KCNK9: variants seen among roughly 807,000 people sequenced by gnomAD.
KCNK9 encodes potassium channel subfamily K member 9.
KCNK9 carries 1 observed loss-of-function variant against 10.8 expected under a neutral mutation model. The observed-to-expected ratio is 0.09, with a 90% CI of 0.03 to 0.44. KCNK9 has a LOEUF of 0.44. Among genes scored for constraint, KCNK9 ranks in the 20% least tolerant of loss-of-function variants. KCNK9 has a pLI of 0.97. For missense variants in KCNK9, 303 were observed against 515.0 expected (o/e 0.59, Z 3.98); for synonymous variants, 231 against 222.7 (o/e 1.04, Z -0.33).
chr8:139,620,600 C>T (rs1814746850), intron 1 of KCNK9, among the ~76,000 whole-genome samples: 1 of 152,090 alleles, frequency 6.6e-6, no homozygotes, highest in Non-Finnish European at 1.5e-5. Context: ...GTCTGTCTGT[C>T]TCCGGTGGTG....
At position 139,702,943 on chromosome 8, in the gene KCNK9, G is replaced by C; in HGVS notation, c.50C>G (p.Thr17Ser). Residue 17 changes from threonine (T) to serine (S), a missense_variant, in exon 1 of 2, where the codon ACC (threonine) becomes AGC (serine). Around this residue, in one of 5 missense-constraint regions of KCNK9, gnomAD observed 58 missense variants for 102.4 expected, o/e 0.57. Transcript: ENST00000520439. The surrounding 1 kb of genome is among the most constrained non-coding windows in gnomAD (Gnocchi z 7.5). ...CACGGCGGCGCCCACCAGCAGGTAGGTGAAGGTGCAGACGATGAGGGACAG... is the reference window on the plus strand; with the variant it reads ...CACGGCGGCGCCCACCAGCAGGTAGCTGAAGGTGCAGACGATGAGGGACAG... ...RTLSLIVCTF[T>S]YLLVGAAVFD... The C allele has an allele frequency of 6.2e-7, 1 of 1,611,974 alleles. No individual in the cohort carries two copies. The highest frequency in any genetic ancestry group is 8.5e-7 in the Non-Finnish European group (1 of 1,179,240).
intron 1 of KCNK9, among the ~76,000 whole-genome samples, chr8:139,620,937 G>A (rs946775724): frequency 1.3e-4 from 20 of 152,136 alleles, no homozygotes; most frequent in African/African-American, 4.8e-4. Flanking sequence ...ATATCAAAAG[G>A]TGTCCCAGAA....
intron 1 of KCNK9, among the ~76,000 whole-genome samples, chr8:139,695,120 A>G (rs1307597286): frequency 6.6e-6 from 1 of 152,204 alleles, no homozygotes; most frequent in African/African-American, 2.4e-5. Flanking sequence ...TCAGGTATCA[A>G]TGCCAGGGTT....
chr8:139,689,202 AAG>A (rs1816883254), intron 1 of KCNK9, among the ~76,000 whole-genome samples: 1 of 152,176 alleles, frequency 6.6e-6, no homozygotes, highest in Admixed American at 6.5e-5. Flanking sequence ...GTGAGAAAAA[AAG>A]TATTTTCTGC....
At chr8:139,658,500 T>C (rs1257792779) in intron 1 of KCNK9, among the ~76,000 whole-genome samples, 1 of 152,148 alleles carries the variant, frequency 6.6e-6, no homozygotes, top group Non-Finnish European at 1.5e-5. Context: ...AGCAAGCCCC[T>C]AGCCACTGGT....
At chr8:139,694,991 G>A (rs989189444) in intron 1 of KCNK9, among the ~76,000 whole-genome samples, 2 of 152,156 alleles carry the variant, frequency 1.3e-5, no homozygotes, top group African/African-American at 2.4e-5. Context: ...ACAGTGTCCC[G>A]ACAAGCCAGG....
chr8:139,673,882 G>A (rs949521038), intron 1 of KCNK9, among the ~76,000 whole-genome samples: 10 of 151,956 alleles, frequency 6.6e-5, no homozygotes, highest in Admixed American at 6.6e-4. Context: ...CTCCCCCAAG[G>A]CCAGATTCGG....
At chr8:139,683,883 C>T (rs548049870) in intron 1 of KCNK9, among the ~76,000 whole-genome samples, 1 of 152,348 alleles carries the variant, frequency 6.6e-6, no homozygotes, top group South Asian at 2.1e-4. Context: ...CACCCTTGGC[C>T]TATGGGGCAC....
chr8:139,695,774 G>A (rs1479559772), intron 1 of KCNK9, among the ~76,000 whole-genome samples: 1 of 152,118 alleles, frequency 6.6e-6, no homozygotes, highest in East Asian at 1.9e-4. Flanking sequence ...TGGGCTGGTT[G>A]CCTCCTAGTT....
intron 1 of KCNK9, among the ~76,000 whole-genome samples, chr8:139,620,184 C>G (rs1209316345): frequency 6.6e-6 from 1 of 152,182 alleles, no homozygotes; most frequent in Non-Finnish European, 1.5e-5. Flanking sequence ...TAGGTTCAAA[C>G]TGTGGGACTA....
In KCNK9 at chr8:139,625,733, A is replaced by AT. The variant is rs932936819; in HGVS notation, c.284-6635_284-6634insA. On this transcript the variant is annotated intron_variant, in intron 1 of 1. Transcript: ENST00000520439. Reference sequence around the variant, plus strand: ...GCTGGCTAACAAAACAGGAAAAAAAAAAAAAAAATGAATAGGCTCCATCTT... The same window carrying AT: ...GCTGGCTAACAAAACAGGAAAAAAAATAAAAAAAATGAATAGGCTCCATCTT... Among the ~76,000 whole-genome samples the AT allele has an allele frequency of 4.9e-4, 74 of 152,204 alleles. 3 individuals carry two copies. In the East Asian group the frequency reaches 0.013, roughly 26 times the overall value.
intron 1 of KCNK9, among the ~76,000 whole-genome samples, chr8:139,644,597 G>A (rs1815613277): frequency 6.6e-6 from 1 of 152,184 alleles, no homozygotes; most frequent in Admixed American, 6.5e-5. Flanking sequence ...GATGAGGAAA[G>A]TGAGGTTCTA....
intron 1 of KCNK9, among the ~76,000 whole-genome samples, chr8:139,627,065 G>C (rs1479384207): frequency 3.3e-5 from 5 of 152,154 alleles, no homozygotes; most frequent in African/African-American, 7.2e-5. Context: ...GGAATCAGTG[G>C]GTCCCAAAGT....
At chr8:139,665,904 G>A (rs1263355428) in intron 1 of KCNK9, among the ~76,000 whole-genome samples, 1 of 152,210 alleles carries the variant, frequency 6.6e-6, no homozygotes, top group African/African-American at 2.4e-5. Flanking sequence ...GCGTCAGTGT[G>A]GCCGAGCCTG....
chr8:139,622,489 C>T (rs549991400), intron 1 of KCNK9, among the ~76,000 whole-genome samples: 9 of 152,224 alleles, frequency 5.9e-5, no homozygotes, highest in South Asian at 2.1e-4. Context: ...AAGAGGAGGG[C>T]GACTTCGGCA....
chr8:139,645,046 G>A (rs186271669), intron 1 of KCNK9, among the ~76,000 whole-genome samples: 107 of 152,312 alleles, frequency 7.0e-4, no homozygotes, highest in Admixed American at 2.2e-3. Context: ...ACCCACGCAC[G>A]GGGTGGCTTC....
chr8:139,602,284 G>C (rs1297883528), intron 2 of KCNK9, among the ~76,000 whole-genome samples: 2 of 152,218 alleles, frequency 1.3e-5, no homozygotes, highest in African/African-American at 4.8e-5. Context: ...ATGCAGGATG[G>C]GTTGGTGATG....
At chr8:139,614,757 C>T (rs1456755018), downstream of KCNK9, among the ~76,000 whole-genome samples, 2 of 152,168 alleles carry the variant, frequency 1.3e-5, no homozygotes, top group Non-Finnish European at 2.9e-5. Context: ...CAAGTGTTGC[C>T]CCCAGGGGTC....
rs58882504 is a variant in KCNK9 at position 139,627,059 on chromosome 8, T to A, written c.284-7960A>T. Among the ~76,000 whole-genome samples, 816 of 152,296 alleles carry A rather than the reference T, an allele frequency of 5.4e-3. 5 individuals carry two copies. The highest frequency in any genetic ancestry group is 0.018 in the African/African-American group (756 of 41,558). On this transcript the variant is annotated intron_variant, in intron 1 of 1. Coordinates refer to ENST00000520439, the MANE Select transcript of KCNK9 (RefSeq NM_001282534.2). The stretch of plus-strand genomic sequence containing the variant: ...GGGTCGCGCGTAGGGTGGGCAGGAA[T>A]CAGTGGGTCCCAAAGTCTGGGTCTG...
Sources: gnomAD v4.1 joint callset for allele counts (sites outside exome capture counted in the v4.1 genomes callset) on GRCh38, gnomAD v4.1.1 for gene constraint, gnomAD v4.1.1 regional missense constraint, Gnocchi (gnomAD v3.1) non-coding constraint, MANE v1.5 for transcripts, NCBI Gene and HGNC (gene_info 2026-07-23, HGNC 2026-07-21) for gene names.